The following LRP1B variants were observed in gnomAD, a reference collection of about 807,000 sequenced individuals.
The protein encoded by LRP1B is low-density lipoprotein receptor-related protein 1B.
Under a neutral mutation model 556.6 loss-of-function variants are expected in LRP1B, and 217 were observed. The ratio of observed to expected loss-of-function variants is 0.39; its 90% confidence interval spans 0.35 to 0.44. The LOEUF (loss-of-function observed/expected upper bound fraction) is 0.44, where lower values mean the gene tolerates loss of function less well. Ranked by LOEUF, LRP1B falls within the 20% of genes least tolerant of loss-of-function variation. The probability of loss-of-function intolerance (pLI) is 1.00; values close to 1 mark genes in which losing one functional copy is unlikely to be tolerated. For missense variants in LRP1B, 5,053 were observed against 5,620.8 expected, an observed-to-expected ratio of 0.90 and a Z score of 3.23; for synonymous variants, 2,047 against 1,865.8, an observed-to-expected ratio of 1.10 and a Z score of -2.50.
At chr2:140,945,711 C>G (rs1300398764) in intron 20 of LRP1B, among the ~76,000 whole-genome samples, 2 of 151,986 alleles carry the variant, frequency 1.3e-5, no homozygotes, top group African/African-American at 4.8e-5. Context: ...AATAAAAACT[C>G]AAGACAGCTT....
chr2:141,573,355 A>G (rs1686604489), intron 2 of LRP1B, among the ~76,000 whole-genome samples: 1 of 152,198 alleles, frequency 6.6e-6, no homozygotes, highest in African/African-American at 2.4e-5. Context: ...CTGGGTAAAT[A>G]ATGAAATTAA....
At chr2:140,264,556 T>C (rs920312959) in intron 86 of LRP1B, among the ~76,000 whole-genome samples, 4 of 152,186 alleles carry the variant, frequency 2.6e-5, no homozygotes, top group Middle Eastern at 6.8e-3. Flanking sequence ...ACCCAGCCAT[T>C]TGAAACTCAA....
At chr2:141,797,471 G>T (rs1000834816) in intron 2 of LRP1B, among the ~76,000 whole-genome samples, 4 of 151,924 alleles carry the variant, frequency 2.6e-5, no homozygotes, top group African/African-American at 7.2e-5. Flanking sequence ...GCATTGGAAA[G>T]GGAGGGTGAG....
intron 20 of LRP1B, among the ~76,000 whole-genome samples, chr2:140,932,886 TACACACACACACAC>T (rs373649277): frequency 3.9e-5 from 5 of 127,554 alleles, no homozygotes; most frequent in Admixed American, 1.7e-4. Context: ...TCTCTCCCTA[TACACACACACACAC>T]ACACACACAC....
chr2:140,552,462 G>A (rs796274583), intron 43 of LRP1B, among the ~76,000 whole-genome samples: 13 of 152,194 alleles, frequency 8.5e-5, no homozygotes, highest in East Asian at 1.9e-4. Flanking sequence ...AATTATGCAC[G>A]TTGCCTTTGT....
chr2:141,207,280 C>T (rs1682328464), intron 6 of LRP1B, among the ~76,000 whole-genome samples: 1 of 152,164 alleles, frequency 6.6e-6, no homozygotes, highest in Non-Finnish European at 1.5e-5. Context: ...CTCTCAGACA[C>T]TATGAATATT....
At chr2:140,892,936 A>C (rs1693842461) in intron 23 of LRP1B, among the ~76,000 whole-genome samples, 1 of 152,188 alleles carries the variant, frequency 6.6e-6, no homozygotes. Flanking sequence ...AAATGTATGC[A>C]AAGAAACATA....
chr2:140,235,766 A>C (rs2104876474), intron 89 of LRP1B, among the ~76,000 whole-genome samples: 1 of 151,230 alleles, frequency 6.6e-6, no homozygotes, highest in Non-Finnish European at 1.5e-5. Context: ...TTAAGTGTAC[A>C]AAATTGGATT....
chr2:142,047,026 A>C (rs185510092), intron 1 of LRP1B, among the ~76,000 whole-genome samples: 12 of 152,168 alleles, frequency 7.9e-5, no homozygotes, highest in African/African-American at 2.4e-4. Context: ...AGTGTTTTAC[A>C]CTGAGGCAAA....
chr2:140,396,232 GACAA>G (rs1684250813), intron 66 of LRP1B, among the ~76,000 whole-genome samples: 1 of 152,092 alleles, frequency 6.6e-6, no homozygotes, highest in Non-Finnish European at 1.5e-5. Context: ...CCAGCTGAGA[GACAA>G]ACAAAATAAG....
Position 140,841,047 on chromosome 2 carries a change from T to C in LRP1B, c.4985A>G (p.Asn1662Ser), listed in dbSNP as rs1692089597. The C allele has an allele frequency of 1.9e-6, 3 of 1,613,012 alleles. No individual in the cohort carries two copies. The highest frequency in any genetic ancestry group is 2.5e-6 in the Non-Finnish European group (3 of 1,179,452). The change falls in exon 30 of 91, where the codon AAT (asparagine) becomes AGT (serine). Residue 1662 changes from asparagine to serine, a missense_variant. This residue lies in a region of LRP1B where 3,619 missense variants were observed against 3,931.9 expected (regional missense o/e 0.92). Coordinates refer to ENST00000389484, the MANE Select transcript of LRP1B (RefSeq NM_018557.3). Reference sequence around the variant, plus strand: ...AAATTCTGAGCTAATCCAGTATAAATTACGTGACACCCAATCCACTGCTAG... The same window carrying C: ...AAATTCTGAGCTAATCCAGTATAAACTACGTGACACCCAATCCACTGCTAG... The part of the protein sequence containing the change: ...RGLAVDWVSR[N>S]LYWISSEFDE...
At chr2:140,298,009 C>A (rs745578614) in intron 83 of LRP1B, 40 bp from the exon 84 acceptor site, 3 of 1,525,172 alleles carry the variant, frequency 2.0e-6, no homozygotes, top group Non-Finnish European at 2.7e-6. Flanking sequence ...AATTATTCAA[C>A]CAAAATAGTT....
At position 140,598,810 on chromosome 2, in the gene LRP1B, C is replaced by T. The variant is rs1682543561; in HGVS notation, c.7015G>A (p.Glu2339Lys). 2 of 1,609,198 alleles carry T rather than the reference C, an allele frequency of 1.2e-6. No individual in the cohort carries two copies. Among genetic ancestry groups the T allele is most frequent in the East Asian group, 2.2e-5 (1 of 44,766 alleles). ...QNLMFWTNWNEQHPSIMRSTL... is the reference protein window; with the variant it reads ...QNLMFWTNWNKQHPSIMRSTL... ...GATCTCATGATACTTGGATGTTGTT[C>T]ATTCCAGTTGGTCCAAAACATTAAA... The change falls in exon 43 of 91, where the codon GAA (glutamate) becomes AAA (lysine). Residue 2339 changes from glutamate (E) to lysine (K), a missense_variant. Physicochemically the swap from Glu to Lys is moderately conservative, Grantham distance 56. This residue lies in a region of LRP1B where 3,619 missense variants were observed against 3,931.9 expected (regional missense o/e 0.92). Transcript: ENST00000389484.
At position 141,677,592 on chromosome 2, in the gene LRP1B, C is replaced by T. The variant is rs147932148; in HGVS notation, c.205+132687G>A. On this transcript the variant is annotated intron_variant, in intron 2 of 90. Transcript: ENST00000389484. ...GCAAACTCCACCTCTTGGGTTCAAG[C>T]GATTCTCCTGCCTCAGCCTCCCTAG... Among the ~76,000 whole-genome samples, 1,306 of 152,176 alleles carry T rather than the reference C, an allele frequency of 8.6e-3. 35 individuals are homozygous for T. The highest frequency in any genetic ancestry group is 0.04 in the East Asian group (204 of 5,162).
chr2:140,650,618 G>T (rs1367976666), intron 41 of LRP1B, among the ~76,000 whole-genome samples: 1 of 152,078 alleles, frequency 6.6e-6, no homozygotes, highest in Non-Finnish European at 1.5e-5. Flanking sequence ...CAAAGTGCTG[G>T]GATTACAGGT....
At chr2:141,670,900 C>G (rs1216931938) in intron 2 of LRP1B, among the ~76,000 whole-genome samples, 1 of 152,094 alleles carries the variant, frequency 6.6e-6, no homozygotes, top group African/African-American at 2.4e-5. Flanking sequence ...TTTCATATTT[C>G]TTCAAAATTA....
chr2:140,316,742 A>G (rs771741389), intron 82 of LRP1B, among the ~76,000 whole-genome samples: 45 of 152,258 alleles, frequency 3.0e-4, no homozygotes, highest in African/African-American at 1.0e-3. Flanking sequence ...TGGGAAAAAA[A>G]ATATAAAATA....
chr2:140,707,168 CCATTTCTTCCTACTTT>C (rs1186043539), intron 37 of LRP1B, among the ~76,000 whole-genome samples: 1 of 152,022 alleles, frequency 6.6e-6, no homozygotes, highest in Non-Finnish European at 1.5e-5. Context: ...AATAAATGTG[CCATTTCTTCCTACTTT>C]TCTGGCTTCC....
At chr2:140,962,375 C>T (rs1696063191) in intron 18 of LRP1B, among the ~76,000 whole-genome samples, 1 of 152,154 alleles carries the variant, frequency 6.6e-6, no homozygotes, top group Non-Finnish European at 1.5e-5. Context: ...TGGCTAAAAA[C>T]ACCAGAGCAG....
Sources: gnomAD v4.1 joint callset for allele counts (sites outside exome capture counted in the v4.1 genomes callset) on GRCh38, gnomAD v4.1.1 for gene constraint, gnomAD v4.1.1 regional missense constraint, MANE v1.5 for transcripts, NCBI Gene and HGNC (gene_info 2026-07-23, HGNC 2026-07-21) for gene names.